PPFIA2: variants seen among roughly 807,000 people sequenced by gnomAD.
PPFIA2 encodes the protein liprin-alpha-2.
A neutral mutation model predicts 175.5 loss-of-function variants in PPFIA2; 46 were observed. That is an observed-to-expected ratio of 0.26 (90% CI 0.21 to 0.34). The LOEUF is 0.34. PPFIA2 is among the 10% of genes least tolerant of loss of function. PPFIA2 has a pLI of 1.00. For missense variants in PPFIA2, 1,179 were observed against 1,506.1 expected (o/e 0.78, Z 3.60); for synonymous variants, 568 against 511.4 (o/e 1.11, Z -1.49).
intron 18 of PPFIA2, 23 bp from the exon 19 acceptor site, chr12:81,344,716 C>A: frequency 6.6e-7 from 1 of 1,522,026 alleles, no homozygotes; most frequent in Non-Finnish European, 8.9e-7. Context: ...GTAATAAAAA[C>A]ATAAAACACA....
chr12:81,737,349 G>A (rs1356188855), intron 3 of PPFIA2, among the ~76,000 whole-genome samples: 1 of 151,900 alleles, frequency 6.6e-6, no homozygotes, highest in Non-Finnish European at 1.5e-5. Flanking sequence ...CTGTACCCTA[G>A]AAGAAATAAT....
At chr12:81,547,753 A>G (rs2067227740) in intron 4 of PPFIA2, among the ~76,000 whole-genome samples, 1 of 152,226 alleles carries the variant, frequency 6.6e-6, no homozygotes. Flanking sequence ...TATTTTAACC[A>G]GAAAAATAGG....
chr12:81,696,187 G>C (rs2075870197), intron 3 of PPFIA2, among the ~76,000 whole-genome samples: 1 of 152,120 alleles, frequency 6.6e-6, no homozygotes, highest in Non-Finnish European at 1.5e-5. Flanking sequence ...GATGATTCTT[G>C]GGAAGGTAAA....
intron 3 of PPFIA2, among the ~76,000 whole-genome samples, chr12:81,714,449 T>G (rs2078330694): frequency 6.6e-6 from 1 of 151,114 alleles, no homozygotes; most frequent in African/African-American, 2.4e-5. Context: ...ATTTTAGGCT[T>G]GATATTCCTA....
intron 3 of PPFIA2, among the ~76,000 whole-genome samples, chr12:81,694,872 T>G (rs1249562138): frequency 6.6e-6 from 1 of 152,148 alleles, no homozygotes; most frequent in Non-Finnish European, 1.5e-5. Context: ...AGTCCACCCC[T>G]TGCACCAGTT....
intron 11 of PPFIA2, among the ~76,000 whole-genome samples, chr12:81,374,042 C>T: frequency 6.6e-6 from 1 of 151,918 alleles, no homozygotes; most frequent in East Asian, 1.9e-4. Context: ...TTGTAAAATT[C>T]TAAAATATTC....
intron 4 of PPFIA2, among the ~76,000 whole-genome samples, chr12:81,599,778 G>A (rs1567521167): frequency 1.3e-5 from 2 of 152,038 alleles, no homozygotes; most frequent in South Asian, 2.1e-4. Flanking sequence ...CTTTTGGTGT[G>A]TGACAGCTTT....
intron 4 of PPFIA2, among the ~76,000 whole-genome samples, chr12:81,476,381 A>C (rs2057477972): frequency 6.6e-6 from 1 of 152,228 alleles, no homozygotes; most frequent in African/African-American, 2.4e-5. Flanking sequence ...GTTAAGCTCC[A>C]ATACTGAATA....
intron 4 of PPFIA2, among the ~76,000 whole-genome samples, chr12:81,578,792 T>C (rs1266036982): frequency 6.6e-6 from 1 of 151,810 alleles, no homozygotes; most frequent in Non-Finnish European, 1.5e-5. Flanking sequence ...CACATTCTTT[T>C]AGCCATATCA....
chr12:81,636,266 T>C (rs1039710202), intron 4 of PPFIA2, among the ~76,000 whole-genome samples: 2 of 146,570 alleles, frequency 1.4e-5, no homozygotes, highest in African/African-American at 5.0e-5. Context: ...CTCTCTGATT[T>C]TTTTTTTTTT....
chr12:81,390,005 C>T (rs1003751803), intron 8 of PPFIA2, among the ~76,000 whole-genome samples: 4 of 152,078 alleles, frequency 2.6e-5, no homozygotes, highest in African/African-American at 9.7e-5. Context: ...ATTCGCAGTT[C>T]TGGACTTTTC....
intron 4 of PPFIA2, among the ~76,000 whole-genome samples, chr12:81,618,243 A>G (rs1466316892): frequency 7.5e-6 from 1 of 133,226 alleles, no homozygotes; most frequent in African/African-American, 3.1e-5. Flanking sequence ...CATTTTTACT[A>G]TGTGTAAATC....
chr12:81,301,789 T>A (rs151251281), intron 22 of PPFIA2, among the ~76,000 whole-genome samples: 163 of 152,206 alleles, frequency 1.1e-3, no homozygotes, highest in Admixed American at 3.0e-3. Flanking sequence ...CATGGCTAAC[T>A]CTCTCAGCTA....
chr12:81,598,295 AG>A, intron 4 of PPFIA2: 1 of 1,218,774 alleles, frequency 8.2e-7, no homozygotes. Context: ...AAAACACAGA[AG>A]GAAAAAAGCA....
intron 4 of PPFIA2, among the ~76,000 whole-genome samples, chr12:81,607,661 T>C (rs1218081581): frequency 6.6e-6 from 1 of 152,158 alleles, no homozygotes; most frequent in Admixed American, 6.5e-5. Context: ...CCTGAAACTG[T>C]GTTAAAGTCA....
chr12:81,739,056 G>T (rs569290374), intron 3 of PPFIA2, among the ~76,000 whole-genome samples: 3 of 151,992 alleles, frequency 2.0e-5, no homozygotes, highest in South Asian at 4.1e-4. Context: ...ATATGATATA[G>T]TCAAATAAAA....
chr12:81,446,758 CT>C (rs1397233213), intron 5 of PPFIA2, among the ~76,000 whole-genome samples: 2 of 152,054 alleles, frequency 1.3e-5, no homozygotes, highest in Non-Finnish European at 2.9e-5. Context: ...AAGAAAACAA[CT>C]TTATTTTTTT....
chr12:81,737,636 A>G (rs1287243307), intron 3 of PPFIA2, among the ~76,000 whole-genome samples: 5 of 152,062 alleles, frequency 3.3e-5, no homozygotes, highest in Non-Finnish European at 7.4e-5. Context: ...AAGTTAGCAG[A>G]AAGACTTAAA....
chr12:81,603,519 A>G (rs373109734), intron 4 of PPFIA2, among the ~76,000 whole-genome samples: 42 of 151,806 alleles, frequency 2.8e-4, no homozygotes, highest in African/African-American at 9.9e-4. Context: ...AAAAAAACAG[A>G]TACACTTTTT....
Sources: allele counts gnomAD v4.1 joint callset (sites outside exome capture counted in the v4.1 genomes callset), GRCh38; gene constraint gnomAD v4.1.1; transcripts MANE v1.5; gene names NCBI Gene and HGNC (gene_info 2026-07-23, HGNC 2026-07-21).